SLC8A1: variants seen among roughly 807,000 people sequenced by gnomAD.
SLC8A1 encodes sodium/calcium exchanger 1.
Under a neutral mutation model 68.3 loss-of-function variants are expected in SLC8A1, and 18 were observed. That is an observed-to-expected ratio of 0.26 (90% confidence interval 0.18 to 0.39). The LOEUF (loss-of-function observed/expected upper bound fraction) is 0.39, where lower values mean the gene tolerates loss of function less well. SLC8A1 is among the 10% of genes least tolerant of loss of function. The probability of loss-of-function intolerance (pLI) is 1.00; values close to 1 mark genes in which losing one functional copy is unlikely to be tolerated. For missense variants in SLC8A1, 985 were observed against 1,156.7 expected, an observed-to-expected ratio of 0.85 and a Z score of 2.15; for synonymous variants, 475 against 415.5, an observed-to-expected ratio of 1.14 and a Z score of -1.74.
intron 1 of SLC8A1, among the ~76,000 whole-genome samples, chr2:40,493,519 A>C (rs1705471534): frequency 6.6e-6 from 1 of 151,384 alleles, no homozygotes; most frequent in African/African-American, 2.4e-5. Flanking sequence ...AATAAAATAA[A>C]ATTTAAAAAA....
intron 2 of SLC8A1, among the ~76,000 whole-genome samples, chr2:40,263,018 T>C (rs1217705687): frequency 2.0e-5 from 3 of 152,244 alleles, no homozygotes; most frequent in African/African-American, 7.2e-5. Flanking sequence ...AATAACTTCA[T>C]GACATGGCTA....
intron 1 of SLC8A1, among the ~76,000 whole-genome samples, chr2:40,444,992 T>C (rs989204791): frequency 1.3e-4 from 20 of 152,194 alleles, no homozygotes; most frequent in African/African-American, 4.8e-4. Context: ...TGTATTCACC[T>C]GGGGGCACAC....
chr2:40,392,967 T>C (rs1685797770), intron 2 of SLC8A1, among the ~76,000 whole-genome samples: 1 of 152,100 alleles, frequency 6.6e-6, no homozygotes, highest in African/African-American at 2.4e-5. Flanking sequence ...ATCTACTTTA[T>C]TTTGCTGGCA....
intron 2 of SLC8A1, among the ~76,000 whole-genome samples, chr2:40,388,910 G>T (rs537160628): frequency 4.6e-5 from 7 of 152,242 alleles, no homozygotes; most frequent in African/African-American, 1.7e-4. Context: ...CCTTGAGCCT[G>T]CTGTGAAATA....
chr2:40,292,121 A>C (rs1439660270), intron 2 of SLC8A1, among the ~76,000 whole-genome samples: 1 of 152,142 alleles, frequency 6.6e-6, no homozygotes, highest in African/African-American at 2.4e-5. Context: ...AGTGGAAAGA[A>C]ATTTTAAAAA....
intron 2 of SLC8A1, among the ~76,000 whole-genome samples, chr2:40,329,092 ACACACACACG>A (rs1332259349): frequency 2.7e-5 from 4 of 148,968 alleles, no homozygotes; most frequent in African/African-American, 5.0e-5. Context: ...ACACACACAC[ACACACACACG>A]CACTGGACTA....
chr2:40,486,432 C>T (rs1224775014), intron 1 of SLC8A1, among the ~76,000 whole-genome samples: 1 of 151,904 alleles, frequency 6.6e-6, no homozygotes, highest in East Asian at 1.9e-4. Context: ...TCAGCATGCC[C>T]TTGGATCTGG....
chr2:40,392,205 G>T (rs1244280596), intron 2 of SLC8A1, among the ~76,000 whole-genome samples: 2 of 149,966 alleles, frequency 1.3e-5, no homozygotes, highest in African/African-American at 4.9e-5. Flanking sequence ...AGAAAGAAAA[G>T]AAAAAGAAAA....
intron 2 of SLC8A1, among the ~76,000 whole-genome samples, chr2:40,249,162 C>T (rs570431877): frequency 1.3e-5 from 2 of 152,058 alleles, no homozygotes; most frequent in Non-Finnish European, 2.9e-5. Flanking sequence ...TTGTCGAAAT[C>T]TTAAATAGAA....
intron 2 of SLC8A1, among the ~76,000 whole-genome samples, chr2:40,228,437 A>C (rs1432288727): frequency 6.6e-6 from 1 of 152,220 alleles, no homozygotes; most frequent in Non-Finnish European, 1.5e-5. Flanking sequence ...TTGGAATTAA[A>C]GCCAACTGGA....
intron 2 of SLC8A1, among the ~76,000 whole-genome samples, chr2:40,182,420 T>C (rs537751143): frequency 4.3e-4 from 66 of 152,260 alleles, no homozygotes; most frequent in African/African-American, 1.5e-3. Flanking sequence ...AATCTTACGA[T>C]AGCATTGAAA....
At chr2:40,373,717 CCTTCCTACAAA>C (rs1678899195) in intron 2 of SLC8A1, among the ~76,000 whole-genome samples, 1 of 151,976 alleles carries the variant, frequency 6.6e-6, no homozygotes, top group Non-Finnish European at 1.5e-5. Context: ...CCCACTTTTT[CCTTCCTACAAA>C]CAAACAGTAG....
At chr2:40,185,470 A>G (rs2050526780) in intron 2 of SLC8A1, among the ~76,000 whole-genome samples, 1 of 152,208 alleles carries the variant, frequency 6.6e-6, no homozygotes. Context: ...ACATCATTCT[A>G]AGTGAAAGAA....
In SLC8A1 at chr2:40,177,659, C is replaced by T. The variant is rs868687790; in HGVS notation, c.1912+93G>A. 70 of 772,876 alleles carry T rather than the reference C, an allele frequency of 9.1e-5. 1 individual carries two copies. In the Middle Eastern group the frequency reaches 3.5e-3, roughly 38 times the overall value. 47.9% of individuals were successfully genotyped at this position (772,876 alleles called of 1,614,324 possible). Reference sequence around the variant, plus strand: ...GCAATGAAGTATAGTACTTGGAAGCCGAGGAAGAGGAGAGAGTTAAGTGTG... The same window carrying T: ...GCAATGAAGTATAGTACTTGGAAGCTGAGGAAGAGGAGAGAGTTAAGTGTG... On this transcript the variant is annotated intron_variant, in intron 3 of 7. Transcript: ENST00000406785.
At position 40,399,891 on chromosome 2, in the gene SLC8A1, A is replaced by T. The variant is rs1688156732; in HGVS notation, c.1808+28582T>A. ...GTAAAAACTAAAAGGCAGAAATGAAATCCACAAGCAGACCGCCCGGCGCCA... is the reference window on the plus strand; with the variant it reads ...GTAAAAACTAAAAGGCAGAAATGAATTCCACAAGCAGACCGCCCGGCGCCA... On this transcript the variant is annotated intron_variant, in intron 2 of 7. Coordinates refer to ENST00000406785, the Ensembl canonical transcript of SLC8A1. 3.3e-5 allele frequency among the ~76,000 whole-genome samples: 5 copies of T among 152,272 alleles called. No homozygotes were observed. The South Asian group carries it at 1.0e-3, about 32-fold the overall frequency.
rs147771762 is a variant in SLC8A1 at position 40,344,737 on chromosome 2, A to T, written c.1808+83736T>A. Among the ~76,000 whole-genome samples the T allele has an allele frequency of 1.5e-3, 224 of 152,266 alleles. 1 individual carries two copies. The highest frequency in any genetic ancestry group is 5.2e-3 in the African/African-American group (218 of 41,558). On this transcript the variant is annotated intron_variant, in intron 2 of 7. Transcript: ENST00000406785. ...TGTACACAAGTTTAAAATGTTGAGG[A>T]CAGCCCTCCTAGGAAAGTCTCACTC...
intron 1 of SLC8A1, among the ~76,000 whole-genome samples, chr2:40,451,530 C>A (rs1226019217): frequency 6.6e-6 from 1 of 152,132 alleles, no homozygotes; most frequent in African/African-American, 2.4e-5. Flanking sequence ...GCTCTGCATT[C>A]GGGGTGGACT....
At chr2:40,409,980 C>T (rs1254295304) in intron 2 of SLC8A1, among the ~76,000 whole-genome samples, 5 of 150,876 alleles carry the variant, frequency 3.3e-5, no homozygotes, top group Non-Finnish European at 7.4e-5. Context: ...TGAATAGGAG[C>T]AACCACGGAC....
intron 1 of SLC8A1, among the ~76,000 whole-genome samples, chr2:40,471,688 C>A (rs953689303): frequency 7.2e-5 from 11 of 151,960 alleles, no homozygotes; most frequent in Non-Finnish European, 1.3e-4. Context: ...TTCATGTAAC[C>A]CAAGGAAATA....
Sources: gnomAD v4.1 joint callset for allele counts (sites outside exome capture counted in the v4.1 genomes callset) on GRCh38, gnomAD v4.1.1 for gene constraint, MANE v1.5 for transcripts, NCBI Gene and HGNC (gene_info 2026-07-23, HGNC 2026-07-21) for gene names.